AKAP7: variants seen among roughly 807,000 people sequenced by gnomAD.
AKAP7 encodes the protein A kinase (PRKA) anchor protein 7.
AKAP7 carries 39 observed loss-of-function variants against 39.5 expected under a neutral mutation model. The observed-to-expected ratio is 0.99, with a 90% CI of 0.76 to 1.29. The LOEUF is 1.29. AKAP7 is among the 50% of genes most tolerant of loss of function. The pLI is 0.00. For missense variants in AKAP7, 414 were observed against 407.7 expected, an observed-to-expected ratio of 1.02 and a Z score of -0.13; for synonymous variants, 140 against 139.1, an observed-to-expected ratio of 1.01 and a Z score of -0.05.
Position 131,281,596 on chromosome 6 carries a change from A to G in AKAP7, c.917A>G (p.Asn306Ser), listed in dbSNP as rs1392084512. Residue 306 changes from asparagine (N) to serine (S), a missense_variant, in exon 8 of 8, where the codon AAC (asparagine) becomes AGC (serine). By Grantham distance (46) the Asn-to-Ser change is conservative. Coordinates refer to ENST00000431975, the MANE Select transcript of AKAP7 (RefSeq NM_016377.4). This position sits in a 1 kb window ranked among gnomAD's most constrained non-coding sequence, Gnocchi z 4.0. Reference sequence around the variant, plus strand: ...AGGCTCAGTAAGAGGCTGGTGGAGAACGCGGTGCTCAAGGCTGTCCAGCAG... The same window carrying G: ...AGGCTCAGTAAGAGGCTGGTGGAGAGCGCGGTGCTCAAGGCTGTCCAGCAG... ...LVRLSKRLVE[N>S]AVLKAVQQYL... The G allele has an allele frequency of 1.9e-6, 3 of 1,613,402 alleles. No homozygotes were observed. The highest frequency in any genetic ancestry group is 2.5e-6 in the Non-Finnish European group (3 of 1,179,684).
At chr6:131,149,630 G>C (rs1291177662) in intron 2 of AKAP7, among the ~76,000 whole-genome samples, 4 of 152,172 alleles carry the variant, frequency 2.6e-5, no homozygotes, top group African/African-American at 9.6e-5. Context: ...GCCAGACTCT[G>C]TCTCAAGAAA....
At chr6:131,144,010 T>C (rs1319317439) in intron 1 of AKAP7, among the ~76,000 whole-genome samples, 1 of 138,198 alleles carries the variant, frequency 7.2e-6, no homozygotes, top group African/African-American at 2.8e-5. Context: ...AAGCACATCT[T>C]GCACCGCCCT....
At chr6:131,255,688 C>CCTGT (rs551642151) in intron 7 of AKAP7, among the ~76,000 whole-genome samples, 1 of 152,174 alleles carries the variant, frequency 6.6e-6, no homozygotes, top group Non-Finnish European at 1.5e-5. Flanking sequence ...GCTATTACAT[C>CCTGT]CTGTCTGTCT....
intron 7 of AKAP7, among the ~76,000 whole-genome samples, chr6:131,221,806 GA>G (rs796571059): frequency 2.0e-5 from 3 of 151,624 alleles, no homozygotes; most frequent in Admixed American, 6.6e-5. Context: ...CTACTGCTCA[GA>G]AAAAAAAATT....
chr6:131,218,337 ATAT>A (rs1325119300), intron 6 of AKAP7, among the ~76,000 whole-genome samples: 1 of 152,232 alleles, frequency 6.6e-6, no homozygotes, highest in Non-Finnish European at 1.5e-5. Context: ...GCACATCTGT[ATAT>A]TATTATATTA....
At chr6:131,203,604 G>T (rs969398847) in intron 6 of AKAP7, among the ~76,000 whole-genome samples, 2 of 152,130 alleles carry the variant, frequency 1.3e-5, no homozygotes, top group Non-Finnish European at 2.9e-5. Flanking sequence ...GAAAGGTAGA[G>T]TTACTCCCTC....
chr6:131,171,474 G>A (rs1010555706), intron 5 of AKAP7, among the ~76,000 whole-genome samples: 13 of 152,308 alleles, frequency 8.5e-5, no homozygotes, highest in Middle Eastern at 3.4e-3. Context: ...CCTACAAGTA[G>A]TTTAGTGTTA....
intron 7 of AKAP7, 56 bp downstream of exon 7, chr6:131,219,864 C>T: frequency 8.1e-7 from 1 of 1,234,292 alleles, no homozygotes; most frequent in Non-Finnish European, 1.1e-6. Context: ...TTTGGCATCA[C>T]TTTTATCTTG....
rs546890077 is a variant in AKAP7, at chr6:131,200,239, A to C, written c.702+666A>C. The stretch of plus-strand genomic sequence containing the variant: ...ATAGGCCACCCCTTCTTCCCGCAGA[A>C]GTCGGAGCAACTTTTGACTTCCGTC... On this transcript the variant is annotated intron_variant, in intron 6 of 7. Transcript: ENST00000431975. Among the ~76,000 whole-genome samples the C allele has an allele frequency of 3.5e-4, 54 of 152,300 alleles. 1 individual carries two copies. The highest frequency in any genetic ancestry group is 1.3e-3 in the African/African-American group (53 of 41,570).
At position 131,256,783 on chromosome 6, in the gene AKAP7, TC is replaced by T. The variant is rs569455766; in HGVS notation, c.851-24744del. 0.014 allele frequency among the ~76,000 whole-genome samples: 2,152 copies of T among 151,950 alleles called. 136 individuals are homozygous for T. The East Asian group carries it at 0.17, about 12-fold the overall frequency. ...TCAAACTCCTGGCCTCAAGTGATCC[TC>T]CCACCTCGGCCTCCCAGAGTATTGG... On this transcript the variant is annotated intron_variant, in intron 7 of 7. Transcript: ENST00000431975.
chr6:131,131,882 A>G (rs1194115067), upstream of AKAP7, among the ~76,000 whole-genome samples: 1 of 152,170 alleles, frequency 6.6e-6, no homozygotes, highest in Non-Finnish European at 1.5e-5. Flanking sequence ...AACTCTATTT[A>G]ATAACTGCTA....
At chr6:131,185,345 A>G in intron 5 of AKAP7, 1 of 520,160 alleles carries the variant, frequency 1.9e-6, no homozygotes, top group South Asian at 1.7e-5. Flanking sequence ...GTTCTGGGCT[A>G]CTCCAGTCTG....
At chr6:131,241,635 A>ATATATGTGTGTGTGTGTG (rs1811627494) in intron 7 of AKAP7, among the ~76,000 whole-genome samples, 2 of 86,552 alleles carry the variant, frequency 2.3e-5, no homozygotes, top group African/African-American at 9.2e-5. Context: ...GTGTATATAT[A>ATATATGTGTGTGTGTGTG]TATGACAGTT....
chr6:131,242,185 G>A (rs1453620707), intron 7 of AKAP7: 2 of 984,620 alleles, frequency 2.0e-6, no homozygotes, highest in Non-Finnish European at 2.4e-6. Flanking sequence ...AATGATTCAG[G>A]TGAGTATTTT....
intron 2 of AKAP7, among the ~76,000 whole-genome samples, chr6:131,158,931 AT>A (rs1562871341): frequency 5.3e-5 from 8 of 150,216 alleles, no homozygotes; most frequent in Non-Finnish European, 1.0e-4. Flanking sequence ...AAAAAAAAAG[AT>A]GATGGCATTT....
At chr6:131,139,756 C>T (rs1800867832) in intron 1 of AKAP7, among the ~76,000 whole-genome samples, 1 of 152,200 alleles carries the variant, frequency 6.6e-6, no homozygotes, top group African/African-American at 2.4e-5. Flanking sequence ...GAGAATAAGA[C>T]AAGGCTTTTA....
At chr6:131,143,581 C>T (rs950438176) in intron 1 of AKAP7, among the ~76,000 whole-genome samples, 1 of 152,102 alleles carries the variant, frequency 6.6e-6, no homozygotes, top group African/African-American at 2.4e-5. Context: ...ATTACCCAGC[C>T]TCAGGTATTC....
intron 6 of AKAP7, among the ~76,000 whole-genome samples, chr6:131,205,951 C>G (rs903434068): frequency 1.3e-5 from 2 of 152,166 alleles, no homozygotes; most frequent in East Asian, 3.9e-4. Flanking sequence ...CTAACTTGTT[C>G]AGCCTCATGC....
At chr6:131,200,427 C>G (rs1428996629) in intron 6 of AKAP7, among the ~76,000 whole-genome samples, 1 of 152,204 alleles carries the variant, frequency 6.6e-6, no homozygotes, top group African/African-American at 2.4e-5. Flanking sequence ...TCCCTGCTCT[C>G]CATGACCCTT....
Sources: allele counts gnomAD v4.1 joint callset (sites outside exome capture counted in the v4.1 genomes callset), GRCh38; gene constraint gnomAD v4.1.1; non-coding constraint Gnocchi (gnomAD v3.1); transcripts MANE v1.5; gene names NCBI Gene and HGNC (gene_info 2026-07-23, HGNC 2026-07-21).